The following RMST variants were observed in gnomAD, a reference collection of about 807,000 sequenced individuals.
The protein encoded by RMST is long intergenic non-protein coding RNA 54.
At chr12:97,552,322 T>C (rs1229516644) in intron 11 of RMST, 1 of 152,218 alleles carries the variant, frequency 6.6e-6, no homozygotes, top group Non-Finnish European at 1.5e-5. Context: ...AGCAGGTTGG[T>C]ATTTAAAAAG....
At chr12:97,501,897 C>A (rs929074958) in intron 10 of RMST, among the ~76,000 whole-genome samples, 2 of 152,154 alleles carry the variant, frequency 1.3e-5, no homozygotes, top group African/African-American at 2.4e-5. Flanking sequence ...GATTTCAAGA[C>A]AAAACTTAGT....
chr12:97,487,886 T>C (rs1439414573), intron 5 of RMST, among the ~76,000 whole-genome samples: 1 of 152,222 alleles, frequency 6.6e-6, no homozygotes, highest in Admixed American at 6.5e-5. Flanking sequence ...TGTCTTTCCT[T>C]GTGTTTCCAT....
chr12:97,552,321 G>C, intron 11 of RMST: 1 of 152,090 alleles, frequency 6.6e-6, no homozygotes, highest in East Asian at 1.9e-4. Flanking sequence ...AAGCAGGTTG[G>C]TATTTAAAAA....
chr12:97,463,508 G>A (rs1276237533), intron 4 of RMST, among the ~76,000 whole-genome samples: 1 of 152,176 alleles, frequency 6.6e-6, no homozygotes, highest in Non-Finnish European at 1.5e-5. Context: ...TTTTGTGTCT[G>A]TCTGGTGATA....
chr12:97,477,518 A>G (rs1468318202), intron 5 of RMST, among the ~76,000 whole-genome samples: 2 of 152,196 alleles, frequency 1.3e-5, no homozygotes, highest in African/African-American at 4.8e-5. Flanking sequence ...ATAAAACAAA[A>G]TAACAACAAC....
At chr12:97,549,012 T>A (rs985711381) in intron 11 of RMST, among the ~76,000 whole-genome samples, 4 of 152,172 alleles carry the variant, frequency 2.6e-5, no homozygotes, top group African/African-American at 9.6e-5. Flanking sequence ...AAAGAATGAT[T>A]TGAGAACATC....
intron 10 of RMST, among the ~76,000 whole-genome samples, chr12:97,499,657 C>CTTTTTTTT (rs540776298): frequency 1.5e-5 from 2 of 131,912 alleles, no homozygotes; most frequent in African/African-American, 3.0e-5. Context: ...TTTTTTCTTT[C>CTTTTTTTT]TTTTTTTTTT....
At chr12:97,477,955 G>A (rs1440035494) in intron 5 of RMST, among the ~76,000 whole-genome samples, 5 of 152,176 alleles carry the variant, frequency 3.3e-5, no homozygotes, top group Admixed American at 2.6e-4. Flanking sequence ...GACTTGGTAT[G>A]ACTGAATGTC....
intron 11 of RMST, among the ~76,000 whole-genome samples, chr12:97,551,377 A>AT (rs1178936099): frequency 6.6e-6 from 1 of 152,178 alleles, no homozygotes; most frequent in Admixed American, 6.6e-5. Flanking sequence ...CAAAAGGGAA[A>AT]TACTTATTTG....
chr12:97,469,141 A>AGT (rs10585876), intron 5 of RMST, among the ~76,000 whole-genome samples: 8,915 of 138,320 alleles, frequency 0.064, 314 homozygotes, highest in East Asian at 0.14. Context: ...AAGAGAAACC[A>AGT]GTGTGTGTGT....
At chr12:97,553,750 C>T (rs1202835376) in intron 11 of RMST, among the ~76,000 whole-genome samples, 2 of 152,012 alleles carry the variant, frequency 1.3e-5, no homozygotes, top group Non-Finnish European at 2.9e-5. Context: ...TGAGTCCCAG[C>T]ATCAATACCT....
chr12:97,558,347 G>A (rs979415485), intron 11 of RMST, among the ~76,000 whole-genome samples: 2 of 152,144 alleles, frequency 1.3e-5, no homozygotes, highest in South Asian at 2.1e-4. Flanking sequence ...CTTAAAAGAC[G>A]AACACAGGTG....
In RMST at chr12:97,534,166, G is replaced by T. The variant is rs546065472; in HGVS notation, n.1545+3307G>T. ...AAACAAATACGTTGTTCTGTACCTTGTCTGATAAAGTGTAGATTATCAGCT... is the reference window on the plus strand; with the variant it reads ...AAACAAATACGTTGTTCTGTACCTTTTCTGATAAAGTGTAGATTATCAGCT... On this transcript the variant is annotated intron_variant and non_coding_transcript_variant, in intron 11 of 13. Transcript: ENST00000640149. 2.0e-5 allele frequency among the ~76,000 whole-genome samples: 3 copies of T among 151,864 alleles called. No individual in the cohort carries two copies. In the South Asian group the frequency reaches 6.2e-4, roughly 31 times the overall value.
intron 5 of RMST, among the ~76,000 whole-genome samples, chr12:97,487,302 G>A (rs910431347): frequency 8.5e-5 from 13 of 152,166 alleles, no homozygotes; most frequent in African/African-American, 3.1e-4. Context: ...AGTAGCCAAT[G>A]AGAGACACTG....
chr12:97,545,319 G>A (rs997846052), intron 11 of RMST, among the ~76,000 whole-genome samples: 21 of 152,046 alleles, frequency 1.4e-4, no homozygotes, highest in East Asian at 3.9e-4. Flanking sequence ...TCCACAGTCC[G>A]CAGTGGTTGA....
At chr12:97,516,529 T>C (rs1294628240) in intron 10 of RMST, among the ~76,000 whole-genome samples, 2 of 152,072 alleles carry the variant, frequency 1.3e-5, no homozygotes, top group African/African-American at 4.8e-5. Context: ...TTATAATTTA[T>C]AAAATTAAAA....
rs370816810 is a variant in RMST at position 97,517,621 on chromosome 12, G to T, written n.1341-13034G>T. On this transcript the variant is annotated intron_variant and non_coding_transcript_variant, in intron 10 of 13. Coordinates refer to ENST00000640149, the Ensembl canonical transcript of RMST. Reference sequence around the variant, plus strand: ...CTTGAGCATTATCCCACAATAACAGGTTTTTCAGAATTTGAGATCATAACT... The same window carrying T: ...CTTGAGCATTATCCCACAATAACAGTTTTTTCAGAATTTGAGATCATAACT... Among the ~76,000 whole-genome samples the T allele has an allele frequency of 2.0e-5, 3 of 151,884 alleles. No homozygotes were observed. In the South Asian group the frequency reaches 6.2e-4, roughly 31 times the overall value.
chr12:97,501,974 G>A (rs1209855313), intron 10 of RMST, among the ~76,000 whole-genome samples: 1 of 152,098 alleles, frequency 6.6e-6, no homozygotes, highest in Non-Finnish European at 1.5e-5. Flanking sequence ...CACTAACTCA[G>A]TATTAGTATG....
At chr12:97,502,505 G>A (rs1213211637) in intron 10 of RMST, among the ~76,000 whole-genome samples, 1 of 152,146 alleles carries the variant, frequency 6.6e-6, no homozygotes, top group Admixed American at 6.5e-5. Flanking sequence ...TCTGCCACCA[G>A]GCTGCAGTAC....
Sources: gnomAD v4.1 joint callset for allele counts (sites outside exome capture counted in the v4.1 genomes callset) on GRCh38, gnomAD v4.1.1 for gene constraint, MANE v1.5 for transcripts, NCBI Gene and HGNC (gene_info 2026-07-23, HGNC 2026-07-21) for gene names.